Variants in CPEB3 observed in about 807,000 individuals in gnomAD.
CPEB3 encodes the protein cytoplasmic polyadenylation element binding protein 3, also known as cytoplasmic polyadenylation element-binding protein 3.
In CPEB3, 20 loss-of-function variants were observed where a neutral mutation model predicts 67.2. The observed-to-expected ratio is 0.30, with a 90% CI of 0.21 to 0.43. The LOEUF (loss-of-function observed/expected upper bound fraction) is 0.43. Ranked by LOEUF, CPEB3 falls within the 20% of genes least tolerant of loss-of-function variation. The pLI, the probability that CPEB3 is intolerant of heterozygous loss-of-function variation, is 1.00. For missense variants in CPEB3, 746 were observed against 968.6 expected, an observed-to-expected ratio of 0.77 and a Z score of 3.05; for synonymous variants, 376 against 393.1, an observed-to-expected ratio of 0.96 and a Z score of 0.51.
At chr10:92,157,184 T>C (rs1847248083) in intron 4 of CPEB3, among the ~76,000 whole-genome samples, 2 of 152,350 alleles carry the variant, frequency 1.3e-5, no homozygotes, top group Admixed American at 1.3e-4. Flanking sequence ...TTTACATGGA[T>C]AGCTTTTCAC....
chr10:92,069,229 T>C (rs1433882816), intron 9 of CPEB3, among the ~76,000 whole-genome samples: 1 of 152,076 alleles, frequency 6.6e-6, no homozygotes, highest in African/African-American at 2.4e-5. Flanking sequence ...ATACACCCTT[T>C]GGTAGTCTAG....
At chr10:92,214,931 T>G (rs1057266375) in intron 2 of CPEB3, among the ~76,000 whole-genome samples, 1 of 152,150 alleles carries the variant, frequency 6.6e-6, no homozygotes, top group Non-Finnish European at 1.5e-5. Flanking sequence ...CACTGCAGCC[T>G]CTGCTTCCTG....
intron 3 of CPEB3, among the ~76,000 whole-genome samples, chr10:92,191,195 A>G (rs1226049162): frequency 1.3e-5 from 2 of 152,066 alleles, no homozygotes; most frequent in Non-Finnish European, 2.9e-5. Context: ...AGAGGTCAGG[A>G]GTCTGAGAAC....
In CPEB3 at chr10:92,239,844, A is replaced by AGGC. The variant is rs765523199; in HGVS notation, c.504_506dup (p.Pro169dup). On this transcript the variant is annotated inframe_insertion, in exon 2 of 10. Transcript: ENST00000265997. The surrounding 1 kb of genome is among the most constrained non-coding windows in gnomAD (Gnocchi z 6.0). ...GCTGTGCCGGCTGCGGCGCGGGCGC[A>AGGC]GGCGGCGGCGGCTGCTGGTGGTGCT... 1.6e-5 allele frequency: 24 copies of AGGC among 1,512,284 alleles called. No homozygotes were observed. The African/African-American group carries it at 1.9e-4, about 12-fold the overall frequency. The allele number at this position is 1,512,284 out of a possible 1,614,324, so 93.7% of individuals were successfully genotyped here.
chr10:92,072,750 C>T (rs988391002), intron 9 of CPEB3, among the ~76,000 whole-genome samples: 12 of 152,244 alleles, frequency 7.9e-5, no homozygotes, highest in African/African-American at 2.6e-4. Flanking sequence ...GGATGTATCC[C>T]CCACTTACAT....
intron 9 of CPEB3, among the ~76,000 whole-genome samples, chr10:92,075,301 A>G (rs1307436189): frequency 6.6e-6 from 1 of 152,226 alleles, no homozygotes; most frequent in African/African-American, 2.4e-5. Flanking sequence ...TATGAGCTGA[A>G]TAATTACAGA....
chr10:92,118,761 A>G, intron 6 of CPEB3: 1 of 754,394 alleles, frequency 1.3e-6, no homozygotes, highest in South Asian at 1.4e-5. Flanking sequence ...ACAGGCAAAC[A>G]AGAGATGGAG....
chr10:92,092,218 G>A (rs1843649695), intron 7 of CPEB3, among the ~76,000 whole-genome samples: 1 of 152,008 alleles, frequency 6.6e-6, no homozygotes, highest in Admixed American at 6.6e-5. Flanking sequence ...TTTATTTTAA[G>A]GCAGGCTTTT....
intron 4 of CPEB3, among the ~76,000 whole-genome samples, chr10:92,176,793 A>C (rs1848238734): frequency 6.6e-6 from 1 of 152,248 alleles, no homozygotes; most frequent in South Asian, 2.1e-4. Context: ...AAAGTCACCA[A>C]GTTAGGCATC....
chr10:92,261,580 T>C (rs1852801984), intron 1 of CPEB3, among the ~76,000 whole-genome samples: 1 of 152,176 alleles, frequency 6.6e-6, no homozygotes. Flanking sequence ...CCCAAGTAGC[T>C]GGGATTACAG....
At chr10:92,191,640 A>G (rs1564851909) in intron 3 of CPEB3, among the ~76,000 whole-genome samples, 3 of 152,128 alleles carry the variant, frequency 2.0e-5, no homozygotes, top group South Asian at 2.1e-4. Flanking sequence ...ATTTCTCACA[A>G]TTTTGAAAGA....
At chr10:92,253,481 A>AAAAAAAAAAG (rs1564910688) in intron 1 of CPEB3, among the ~76,000 whole-genome samples, 35 of 144,808 alleles carry the variant, frequency 2.4e-4, no homozygotes, top group Non-Finnish European at 3.6e-4. Flanking sequence ...AAAAAAAAAA[A>AAAAAAAAAAG]AAAGAAAAGA....
chr10:92,211,573 G>A (rs926131383), intron 2 of CPEB3, among the ~76,000 whole-genome samples: 5 of 144,800 alleles, frequency 3.5e-5, no homozygotes, highest in Admixed American at 2.1e-4. Flanking sequence ...GTCTCGCTCT[G>A]TTGCCCAGGC....
At chr10:92,119,982 C>T (rs1351818534) in intron 6 of CPEB3, among the ~76,000 whole-genome samples, 13 of 150,448 alleles carry the variant, frequency 8.6e-5, no homozygotes, top group Admixed American at 2.0e-4. Context: ...GCGCCAGGCG[C>T]GGTGGCTCAC....
chr10:92,278,163 C>T (rs2135048511), intron 1 of CPEB3, among the ~76,000 whole-genome samples: 1 of 147,442 alleles, frequency 6.8e-6, no homozygotes, highest in East Asian at 2.0e-4. Flanking sequence ...CCAGCCTGGG[C>T]GACAGAGCAA....
intron 6 of CPEB3, among the ~76,000 whole-genome samples, chr10:92,142,416 TC>T (rs1846479845): frequency 6.6e-6 from 1 of 152,148 alleles, no homozygotes; most frequent in Non-Finnish European, 1.5e-5. Flanking sequence ...CCAGTAAAGT[TC>T]CCTAGATTCT....
intron 7 of CPEB3, among the ~76,000 whole-genome samples, chr10:92,104,885 C>T (rs1844367180): frequency 1.3e-5 from 2 of 152,024 alleles, no homozygotes; most frequent in South Asian, 2.1e-4. Context: ...GGAAGGTGTC[C>T]GAACCATGAT....
At chr10:92,225,029 C>T (rs1202542083) in intron 2 of CPEB3, among the ~76,000 whole-genome samples, 1 of 150,064 alleles carries the variant, frequency 6.7e-6, no homozygotes, top group Non-Finnish European at 1.5e-5. Context: ...GGCTGGAATG[C>T]AATGATGCAA....
chr10:92,069,542 T>C (rs1842675333), intron 9 of CPEB3, among the ~76,000 whole-genome samples: 1 of 152,072 alleles, frequency 6.6e-6, no homozygotes, highest in Admixed American at 6.6e-5. Flanking sequence ...TAGTTAGCAT[T>C]ATAGGCACGT....
Sources: allele counts gnomAD v4.1 joint callset (sites outside exome capture counted in the v4.1 genomes callset), GRCh38; gene constraint gnomAD v4.1.1; non-coding constraint Gnocchi (gnomAD v3.1); transcripts MANE v1.5; gene names NCBI Gene and HGNC (gene_info 2026-07-23, HGNC 2026-07-21).